BRD7: variants seen among roughly 807,000 people sequenced by gnomAD.
BRD7 encodes bromodomain containing 7.
BRD7 carries 15 observed loss-of-function variants against 82.1 expected under a neutral mutation model. That is an observed-to-expected ratio of 0.18 (90% CI 0.12 to 0.28). The LOEUF is 0.28. BRD7 is among the 10% of genes least tolerant of loss of function. The pLI, the probability that BRD7 is intolerant of heterozygous loss-of-function variation, is 1.00. For missense variants in BRD7, 638 were observed against 779.9 expected (o/e 0.82, Z 2.17); for synonymous variants, 232 against 266.9 (o/e 0.87, Z 1.27).
Position 50,354,878 on chromosome 16 carries a change from T to C in BRD7, c.303A>G (p.Ala101=). 1 of 1,613,820 alleles carries C rather than the reference T, an allele frequency of 6.2e-7. No homozygotes were observed. Among genetic ancestry groups the C allele is most frequent in the Non-Finnish European group, 8.5e-7 (1 of 1,179,996 alleles). ...KRDRDRVENE[A]EKDLQCHAPV... The stretch of plus-strand genomic sequence containing the variant: ...GGGCGTGACACTGGAGATCTTTTTC[T>C]GCCTCATTCTCCACCCGGTCTCGAT... Residue 101 remains alanine, a synonymous_variant, in exon 3 of 17, where the codon GCA becomes GCG. Coordinates refer to ENST00000394688, the MANE Select transcript of BRD7 (RefSeq NM_013263.5).
In BRD7 at chr16:50,318,948, G is replaced by A. The variant is rs2036945608; in HGVS notation, c.*263C>T. ...TTCTTAGTGATGATCCTGTCTGTGG[G>A]ACATAAGGAAGAAGCATTGGAAGGC... On this transcript the variant is annotated 3_prime_UTR_variant, in exon 17 of 17. Coordinates refer to ENST00000394688, the MANE Select transcript of BRD7 (RefSeq NM_013263.5). The A allele has an allele frequency of 2.6e-6, 1 of 386,178 alleles. No individual in the cohort carries two copies. The highest frequency in any genetic ancestry group is 5.6e-5 in the South Asian group (1 of 17,982). 23.9% of individuals were successfully genotyped at this position (386,178 alleles called of 1,614,324 possible).
Position 50,321,966 on chromosome 16 carries a change from T to C in BRD7, c.1500+16A>G. Reference sequence around the variant, plus strand: ...TTCCATTTAAATATTTCTTGTAAAGTGTAAAATAAAATCACCTCCATTTCT... The same window carrying C: ...TTCCATTTAAATATTTCTTGTAAAGCGTAAAATAAAATCACCTCCATTTCT... On this transcript the variant is annotated intron_variant, in intron 13 of 16. Transcript: ENST00000394688. 1 of 1,601,030 alleles carries C rather than the reference T, an allele frequency of 6.2e-7. No homozygotes were observed. The highest frequency in any genetic ancestry group is 8.5e-7 in the Non-Finnish European group (1 of 1,172,886).
At chr16:50,351,522 A>G (rs1169739250) in intron 4 of BRD7, among the ~76,000 whole-genome samples, 1 of 152,250 alleles carries the variant, frequency 6.6e-6, no homozygotes, top group East Asian at 1.9e-4. Flanking sequence ...ATTTTAATAC[A>G]GAGCCCCATC....
intron 4 of BRD7, among the ~76,000 whole-genome samples, chr16:50,351,065 A>G (rs770880472): frequency 6.6e-5 from 10 of 152,366 alleles, no homozygotes; most frequent in African/African-American, 2.2e-4. Flanking sequence ...CTGGCACACC[A>G]AAAGTTTTCT....
chr16:50,323,610 T>C lies in BRD7; in HGVS notation c.1420A>G (p.Arg474Gly), dbSNP rs2037211215. Residue 474 changes from arginine to glycine, a missense_variant, in exon 12 of 17, where the codon AGG becomes GGG. Arg to Gly is a moderately radical substitution (Grantham distance 125, BLOSUM62 -2). Coordinates refer to ENST00000394688, the MANE Select transcript of BRD7 (RefSeq NM_013263.5). ...LDVLTKGGHS[R>G]TLQEMEMSLP... is the part of the protein sequence containing the mutation. ...ACCATCTCCATCTCTTGTAGGGTCC[T>C]GGAATGCCCTCCTTTTGTTAAAACA... 2 of 1,613,358 alleles carry C rather than the reference T, an allele frequency of 1.2e-6. No homozygotes were observed. Among genetic ancestry groups the C allele is most frequent in the Non-Finnish European group, 1.7e-6 (2 of 1,179,350 alleles).
At position 50,358,603 on chromosome 16, in the gene BRD7, T is replaced by C. The variant is rs535082595; in HGVS notation, c.259-3681A>G. Among the ~76,000 whole-genome samples, 20 of 152,268 alleles carry C rather than the reference T, an allele frequency of 1.3e-4. No homozygotes were observed. The South Asian group carries it at 3.9e-3, about 30-fold the overall frequency. On this transcript the variant is annotated intron_variant, in intron 2 of 16. Transcript: ENST00000394688. ...TCTTTACCACATGCAAGATGGAGAT[T>C]TAACTGTTATTATTTATCTTACAGA...
chr16:50,341,162 G>T (rs2038031373), intron 5 of BRD7, among the ~76,000 whole-genome samples: 1 of 137,534 alleles, frequency 7.3e-6, no homozygotes, highest in African/African-American at 2.7e-5. Flanking sequence ...GAAAGCTATG[G>T]GACCAGACCT....
In BRD7 at chr16:50,334,736, T is replaced by G. The variant is rs553723490; in HGVS notation, c.862A>C (p.Lys288Gln). Residue 288 changes from lysine to glutamine, a missense_variant, in exon 7 of 17, where the codon AAG (lysine) becomes CAG (glutamine). This residue lies in a region of BRD7 where 402 missense variants were observed against 500.8 expected (regional missense o/e 0.80). Coordinates refer to ENST00000394688, the MANE Select transcript of BRD7 (RefSeq NM_013263.5). ...DSGDAEAHAF[K>Q]SPSKENKKKD... is the part of the protein sequence containing the mutation. ...TTTTTATTTTCTTTGCTGGGACTCT[T>G]GAAGGCGTGTGCTTCGGCATCTCCA... 1 of 1,613,918 alleles carries G rather than the reference T, an allele frequency of 6.2e-7. No individual in the cohort carries two copies. The highest frequency in any genetic ancestry group is 1.1e-5 in the South Asian group (1 of 91,070).
intron 5 of BRD7, among the ~76,000 whole-genome samples, chr16:50,342,799 G>A (rs1348677364): frequency 6.6e-6 from 1 of 152,096 alleles, no homozygotes; most frequent in Non-Finnish European, 1.5e-5. Context: ...TTATAGGTCA[G>A]GTGAGCACTA....
intron 5 of BRD7, among the ~76,000 whole-genome samples, chr16:50,342,284 T>G (rs1188210195): frequency 2.6e-5 from 4 of 152,212 alleles, no homozygotes; most frequent in South Asian, 2.1e-4. Context: ...AGATAAAAAG[T>G]TGGGAAAAGT....
intron 1 of BRD7, 101 bp downstream of exon 1, chr16:50,368,625 G>T: frequency 1.6e-6 from 2 of 1,287,070 alleles, no homozygotes; most frequent in Non-Finnish European, 2.1e-6. Context: ...GGCCTGCCGT[G>T]GGAAGGAAGG....
intron 2 of BRD7, among the ~76,000 whole-genome samples, chr16:50,362,239 G>A (rs1009194273): frequency 2.0e-5 from 3 of 152,136 alleles, no homozygotes; most frequent in African/African-American, 7.2e-5. Context: ...CTCTGTTAGG[G>A]CACTGACTTT....
intron 2 of BRD7, among the ~76,000 whole-genome samples, chr16:50,364,034 C>T (rs1244328819): frequency 6.6e-6 from 1 of 151,366 alleles, no homozygotes; most frequent in Non-Finnish European, 1.5e-5. Context: ...CTGCATTCTG[C>T]CCTGGGCAAC....
intron 8 of BRD7, among the ~76,000 whole-genome samples, chr16:50,331,682 C>T (rs537989134): frequency 9.9e-5 from 15 of 152,124 alleles, no homozygotes; most frequent in South Asian, 2.1e-4. Context: ...CCAGCCTGGG[C>T]GACAGAGTGA....
At chr16:50,336,992 C>T (rs1188117392) in intron 6 of BRD7, among the ~76,000 whole-genome samples, 1 of 152,126 alleles carries the variant, frequency 6.6e-6, no homozygotes, top group Admixed American at 6.5e-5. Context: ...AGTGCTTACC[C>T]ATGTGCCAGA....
At chr16:50,327,242 G>A (rs540627547) in intron 9 of BRD7, among the ~76,000 whole-genome samples, 7 of 152,266 alleles carry the variant, frequency 4.6e-5, no homozygotes, top group African/African-American at 1.7e-4. Context: ...CTGTGCACAC[G>A]GGGAGCCAAG....
chr16:50,364,956 A>G (rs1274767974), intron 2 of BRD7, among the ~76,000 whole-genome samples: 3 of 152,246 alleles, frequency 2.0e-5, no homozygotes, highest in Admixed American at 2.0e-4. Flanking sequence ...GGCCGGAACA[A>G]AGAGCACGTA....
chr16:50,335,562 G>A (rs1368919056), intron 6 of BRD7, among the ~76,000 whole-genome samples: 2 of 152,172 alleles, frequency 1.3e-5, no homozygotes, highest in Non-Finnish European at 2.9e-5. Flanking sequence ...ATTTTAAGAA[G>A]GCATATTTGT....
chr16:50,317,352 C>G lies in BRD7; in HGVS notation c.*1859G>C, dbSNP rs2036849599. 1 of 152,400 alleles carries G rather than the reference C, an allele frequency of 6.6e-6. No individual in the cohort carries two copies. 9.4% of individuals were successfully genotyped at this position (152,400 alleles called of 1,614,324 possible). The stretch of plus-strand genomic sequence containing the variant: ...TTTCACATGAATACTATACTGAAAT[C>G]TGTGCTCTCAAGATCTAGCAGTGAC... On this transcript the variant is annotated 3_prime_UTR_variant, in exon 17 of 17. Transcript: ENST00000394688.
Sources: gnomAD v4.1 joint callset for allele counts (sites outside exome capture counted in the v4.1 genomes callset) on GRCh38, gnomAD v4.1.1 for gene constraint, gnomAD v4.1.1 regional missense constraint, MANE v1.5 for transcripts, NCBI Gene and HGNC (gene_info 2026-07-23, HGNC 2026-07-21) for gene names.